DCUN1D3: variants seen among roughly 807,000 people sequenced by gnomAD.
DCUN1D3 encodes the protein defective in cullin neddylation 1 domain containing 3.
In DCUN1D3, 6 loss-of-function variants were observed where a neutral mutation model predicts 24.8. That is an observed-to-expected ratio of 0.24 (90% CI 0.13 to 0.48). The LOEUF (loss-of-function observed/expected upper bound fraction) is 0.48. DCUN1D3 is among the 20% of genes least tolerant of loss of function. The pLI is 0.99. For synonymous variants in DCUN1D3, 120 were observed against 144.9 expected, an observed-to-expected ratio of 0.83 and a Z score of 1.24; for missense variants, 258 against 379.4, an observed-to-expected ratio of 0.68 and a Z score of 2.66.
At chr16:20,895,774 T>G (rs2081912711) in intron 1 of DCUN1D3, among the ~76,000 whole-genome samples, 1 of 152,168 alleles carries the variant, frequency 6.6e-6, no homozygotes, top group Non-Finnish European at 1.5e-5. Context: ...TTAACCCTGG[T>G]CCATTGTGCA....
chr16:20,872,992 T>C (rs545974002), intron 1 of DCUN1D3, among the ~76,000 whole-genome samples: 3 of 152,144 alleles, frequency 2.0e-5, no homozygotes, highest in African/African-American at 7.2e-5. Context: ...GGCACATGCC[T>C]GTAATCCCAG....
At chr16:20,887,212 G>A (rs896337698) in intron 1 of DCUN1D3, among the ~76,000 whole-genome samples, 1 of 152,190 alleles carries the variant, frequency 6.6e-6, no homozygotes, top group Non-Finnish European at 1.5e-5. Context: ...TGAGGCAGGA[G>A]AATCACTTGA....
intron 1 of DCUN1D3, among the ~76,000 whole-genome samples, chr16:20,864,383 A>G (rs1346491277): frequency 6.6e-6 from 1 of 152,172 alleles, no homozygotes; most frequent in Non-Finnish European, 1.5e-5. Flanking sequence ...CAAGCATATG[A>G]AAAAAAGCTC....
At chr16:20,878,011 A>C (rs935501652) in intron 1 of DCUN1D3, among the ~76,000 whole-genome samples, 3 of 152,178 alleles carry the variant, frequency 2.0e-5, no homozygotes, top group Non-Finnish European at 4.4e-5. Context: ...TATGTTGCCC[A>C]GGCTGGTCTC....
In DCUN1D3 at chr16:20,857,373, C is replaced by G. The variant is rs2081707416; in HGVS notation, c.*2513G>C. 6.6e-6 allele frequency: 1 copy of G among 152,226 alleles called. No homozygotes were observed. The highest frequency in any genetic ancestry group is 6.5e-5 in the Admixed American group (1 of 15,286). 9.4% of individuals were successfully genotyped at this position (152,226 alleles called of 1,614,324 possible). A position where few individuals can be genotyped will look rare whatever the true frequency, so the allele number is the denominator to read the frequency against. On this transcript the variant is annotated 3_prime_UTR_variant, in exon 3 of 3. Transcript: ENST00000324344. ...TAAAAAACAACAAAATACATCCACT[C>G]TAGTACATCTAATGCACGGAATGTC...
intron 1 of DCUN1D3, among the ~76,000 whole-genome samples, chr16:20,866,577 A>T (rs2081763210): frequency 1.3e-5 from 2 of 152,230 alleles, no homozygotes; most frequent in African/African-American, 2.4e-5. Context: ...CCAGCCCTCC[A>T]TGTAAGAGTA....
rs559451617 is a variant in DCUN1D3 at position 20,889,994 on chromosome 16, T to C, written c.-106+10210A>G. ...AATCAGAACTCCGAAACAATGAGGC[T>C]GGGAGAGCTTCCAGGTTGGTAAAAG... On this transcript the variant is annotated intron_variant, in intron 1 of 2. Transcript: ENST00000324344. Among the ~76,000 whole-genome samples, 7 of 152,206 alleles carry C rather than the reference T, an allele frequency of 4.6e-5. No individual in the cohort carries two copies. The South Asian group carries it at 1.2e-3, about 27-fold the overall frequency.
rs1228222275 is a variant in DCUN1D3 at position 20,859,560 on chromosome 16, C to CAAAAA, written c.*321_*325dup. Reference sequence around the variant, plus strand: ...CCTACCAAAAAAAAAAAAAAAAAAACAAAAAAAAACAAAAAAAAAACCTAA... The same window carrying CAAAAA: ...CCTACCAAAAAAAAAAAAAAAAAAACAAAAAAAAAAAAAACAAAAAAAAAACCTAA... On this transcript the variant is annotated 3_prime_UTR_variant, in exon 3 of 3. Transcript: ENST00000324344. 1.2e-5 allele frequency: 1 copy of CAAAAA among 85,872 alleles called. No homozygotes were observed. Among genetic ancestry groups the CAAAAA allele is most frequent in the African/African-American group, 4.8e-5 (1 of 20,916 alleles). 5.3% of individuals were successfully genotyped at this position (85,872 alleles called of 1,614,324 possible).
intron 1 of DCUN1D3, among the ~76,000 whole-genome samples, chr16:20,892,507 T>C (rs755697171): frequency 1.4e-4 from 21 of 152,206 alleles, no homozygotes; most frequent in Non-Finnish European, 2.6e-4. Context: ...AAAGCAACTA[T>C]TTAATTGAAA....
rs1404363945 is a variant in DCUN1D3, at chr16:20,857,978, G to C, written c.*1908C>G. On this transcript the variant is annotated 3_prime_UTR_variant, in exon 3 of 3. Transcript: ENST00000324344. ...CTCAAAACATGCAATTCCTGCCCAG[G>C]CTGAGAAACATACCTGGGACGCAGC... 1 of 152,656 alleles carries C rather than the reference G, an allele frequency of 6.6e-6. No homozygotes were observed. Among genetic ancestry groups the C allele is most frequent in the Non-Finnish European group, 1.5e-5 (1 of 68,046 alleles). The allele number at this position is 152,656 out of a possible 1,614,324, so 9.5% of individuals were successfully genotyped here.
chr16:20,874,203 G>A (rs1293726272), intron 1 of DCUN1D3, among the ~76,000 whole-genome samples: 1 of 152,184 alleles, frequency 6.6e-6, no homozygotes, highest in South Asian at 2.1e-4. Flanking sequence ...AGAACCAACT[G>A]ACTAGGCCAC....
At chr16:20,882,989 CTTATCCCAAA>C (rs60043194) in intron 1 of DCUN1D3, among the ~76,000 whole-genome samples, 27,163 of 152,052 alleles carry the variant, frequency 0.18, 2,634 homozygotes, top group African/African-American at 0.26. Flanking sequence ...TTGAGTATCC[CTTATCCCAAA>C]TGCTTGAGAC....
intron 1 of DCUN1D3, among the ~76,000 whole-genome samples, chr16:20,878,748 GA>G (rs1204886950): frequency 1.3e-5 from 2 of 152,204 alleles, no homozygotes; most frequent in African/African-American, 4.8e-5. Flanking sequence ...CTTGATGACA[GA>G]GTGACTTTTA....
intron 1 of DCUN1D3, among the ~76,000 whole-genome samples, chr16:20,892,179 G>C (rs557321082): frequency 1.3e-5 from 2 of 152,284 alleles, no homozygotes; most frequent in South Asian, 4.1e-4. Context: ...ACTGTTTTGA[G>C]TAAATGACTG....
At chr16:20,863,292 C>CTATA (rs1023093107) in intron 1 of DCUN1D3, among the ~76,000 whole-genome samples, 24 of 152,204 alleles carry the variant, frequency 1.6e-4, no homozygotes, top group African/African-American at 5.8e-4. Context: ...TCCACCAAGC[C>CTATA]TATACTCCAA....
intron 1 of DCUN1D3, among the ~76,000 whole-genome samples, chr16:20,882,663 A>C (rs1054228207): frequency 1.4e-4 from 21 of 152,224 alleles, no homozygotes; most frequent in African/African-American, 4.3e-4. Context: ...CAAGATCTAC[A>C]ATAGGCACTA....
At chr16:20,882,824 G>A (rs992252350) in intron 1 of DCUN1D3, among the ~76,000 whole-genome samples, 27 of 152,156 alleles carry the variant, frequency 1.8e-4, no homozygotes, top group African/African-American at 6.5e-4. Flanking sequence ...CATTTTGGAG[G>A]CCAACATTTT....
chr16:20,876,639 A>C (rs895299683), intron 1 of DCUN1D3, among the ~76,000 whole-genome samples: 1 of 152,216 alleles, frequency 6.6e-6, no homozygotes, highest in Non-Finnish European at 1.5e-5. Context: ...TATACTGGAG[A>C]GATCTGCACT....
rs778013607 is a variant in DCUN1D3, at chr16:20,862,085, G to A, written c.431+23C>T. ...CCCTTTCCTCCACTGCTCACCTGGT[G>A]ACATAAAGTGTTTGTGACTAACCTG... On this transcript the variant is annotated intron_variant, in intron 2 of 2. Transcript: ENST00000324344. 3.1e-6 allele frequency: 5 copies of A among 1,609,240 alleles called. No homozygotes were observed. In the South Asian group the frequency reaches 4.4e-5, roughly 14 times the overall value.
Sources: allele counts gnomAD v4.1 joint callset (sites outside exome capture counted in the v4.1 genomes callset), GRCh38; gene constraint gnomAD v4.1.1; transcripts MANE v1.5; gene names NCBI Gene and HGNC (gene_info 2026-07-23, HGNC 2026-07-21).